The following NBEA variants were observed in gnomAD, a reference collection of about 807,000 sequenced individuals.
NBEA encodes lysosomal-trafficking regulator 2.
Under a neutral mutation model 343.4 loss-of-function variants are expected in NBEA, and 44 were observed. The observed-to-expected ratio is 0.13, with a 90% CI of 0.10 to 0.16. The LOEUF is 0.16. NBEA is among the 10% of genes least tolerant of loss of function. NBEA has a pLI of 1.00. For synonymous variants in NBEA, 1,175 were observed against 1,238.7 expected (o/e 0.95, Z 1.08); for missense variants, 2,555 against 3,631.3 (o/e 0.70, Z 7.62).
intron 1 of NBEA, among the ~76,000 whole-genome samples, chr13:34,961,451 T>C (rs1012341711): frequency 6.6e-6 from 1 of 152,124 alleles, no homozygotes; most frequent in African/African-American, 2.4e-5. Context: ...CTTTTGCTCC[T>C]AGCTATTTCT....
Position 35,593,239 on chromosome 13 carries a change from A to G in NBEA, c.7177-89A>G, listed in dbSNP as rs1204549506. On this transcript the variant is annotated intron_variant, in intron 46 of 58. Coordinates refer to ENST00000379939, the MANE Select transcript of NBEA (RefSeq NM_001385012.1). ...GACCCTGATCTGCCTCCACATCTTGAAGGATTTTCAAGATAGCCATGTTTC... is the reference window on the plus strand; with the variant it reads ...GACCCTGATCTGCCTCCACATCTTGGAGGATTTTCAAGATAGCCATGTTTC... 8 of 1,448,832 alleles carry G rather than the reference A, an allele frequency of 5.5e-6. No homozygotes were observed. In the Admixed American group the frequency reaches 1.2e-4, roughly 22 times the overall value. 89.7% of individuals were successfully genotyped at this position (1,448,832 alleles called of 1,614,324 possible).
intron 34 of NBEA, among the ~76,000 whole-genome samples, chr13:35,246,100 G>T (rs2031148048): frequency 6.6e-6 from 1 of 151,950 alleles, no homozygotes; most frequent in African/African-American, 2.4e-5. Context: ...AGTACATTTT[G>T]CATTTATCTA....
chr13:34,985,000 T>G (rs2060495039), intron 1 of NBEA, among the ~76,000 whole-genome samples: 1 of 151,110 alleles, frequency 6.6e-6, no homozygotes, highest in African/African-American at 2.4e-5. Flanking sequence ...ACAATTTGAC[T>G]TCTTCTTTTC....
chr13:35,153,381 C>A (rs1336249767), intron 18 of NBEA, among the ~76,000 whole-genome samples: 1 of 152,022 alleles, frequency 6.6e-6, no homozygotes, highest in African/African-American at 2.4e-5. Context: ...TTTATTGGGG[C>A]ATGCATTTAT....
At chr13:35,157,615 CTTTT>C (rs373014707) in intron 21 of NBEA, among the ~76,000 whole-genome samples, 3 of 151,780 alleles carry the variant, frequency 2.0e-5, no homozygotes, top group Non-Finnish European at 4.4e-5. Flanking sequence ...CTTTTTAAGA[CTTTT>C]TTTTAAGAAG....
chr13:35,180,142 A>G (rs1429311241), intron 28 of NBEA, among the ~76,000 whole-genome samples: 1 of 151,754 alleles, frequency 6.6e-6, no homozygotes, highest in Non-Finnish European at 1.5e-5. Flanking sequence ...GCTTAGATGA[A>G]GTAATAAATA....
chr13:35,187,620 A>C (rs1411631407), intron 30 of NBEA, among the ~76,000 whole-genome samples: 1 of 151,992 alleles, frequency 6.6e-6, no homozygotes, highest in Non-Finnish European at 1.5e-5. Flanking sequence ...CAATTACAAT[A>C]ATCATCTCCA....
At chr13:35,614,798 C>T (rs1229231122) in intron 48 of NBEA, among the ~76,000 whole-genome samples, 3 of 152,178 alleles carry the variant, frequency 2.0e-5, no homozygotes, top group Admixed American at 1.3e-4. Context: ...TGTTTCTCCT[C>T]TTTCCTCATT....
intron 44 of NBEA, among the ~76,000 whole-genome samples, chr13:35,562,286 G>A (rs1328167475): frequency 6.6e-6 from 1 of 151,854 alleles, no homozygotes; most frequent in African/African-American, 2.4e-5. Flanking sequence ...TAAAAATGTG[G>A]TTTCAACTTT....
chr13:35,152,945 TG>T (rs1361879227), intron 18 of NBEA, among the ~76,000 whole-genome samples: 2 of 152,152 alleles, frequency 1.3e-5, no homozygotes, highest in African/African-American at 4.8e-5. Flanking sequence ...TCTTGAGTCC[TG>T]CTCTTTCATT....
intron 24 of NBEA, among the ~76,000 whole-genome samples, chr13:35,164,935 A>G (rs528802726): frequency 1.3e-5 from 2 of 152,310 alleles, no homozygotes; most frequent in African/African-American, 2.4e-5. Context: ...AAGGCATTTA[A>G]TGTTAATTGT....
intron 38 of NBEA, among the ~76,000 whole-genome samples, chr13:35,425,121 G>C (rs1406184225): frequency 6.6e-6 from 1 of 151,986 alleles, no homozygotes; most frequent in Non-Finnish European, 1.5e-5. Flanking sequence ...TTAATTTTTT[G>C]AAGGGTTTTT....
chr13:35,360,333 G>A (rs2040739429), intron 38 of NBEA, among the ~76,000 whole-genome samples: 8 of 151,994 alleles, frequency 5.3e-5, no homozygotes, highest in Admixed American at 4.6e-4. Flanking sequence ...GCCACCCACT[G>A]AAGGCATGAA....
intron 39 of NBEA, among the ~76,000 whole-genome samples, chr13:35,444,404 G>A (rs1164288183): frequency 6.6e-6 from 1 of 151,932 alleles, no homozygotes; most frequent in Non-Finnish European, 1.5e-5. Flanking sequence ...ATTTCTCAAA[G>A]TATTCATGTA....
chr13:35,130,754 A>G (rs534887129), intron 17 of NBEA, among the ~76,000 whole-genome samples: 2 of 152,200 alleles, frequency 1.3e-5, no homozygotes, highest in South Asian at 4.1e-4. Context: ...AAATGAGACC[A>G]TAAAGTAGGC....
chr13:35,046,019 C>G (rs541258542), intron 4 of NBEA, among the ~76,000 whole-genome samples: 1 of 152,204 alleles, frequency 6.6e-6, no homozygotes, highest in South Asian at 2.1e-4. Context: ...CCACTGCACC[C>G]GGCCTGGTAT....
At chr13:35,416,659 TG>T (rs1269081849) in intron 38 of NBEA, among the ~76,000 whole-genome samples, 2 of 152,202 alleles carry the variant, frequency 1.3e-5, no homozygotes, top group Non-Finnish European at 2.9e-5. Flanking sequence ...TGAGGATTTT[TG>T]CATCAATGTT....
At chr13:35,647,676 C>G (rs1304933550) in intron 51 of NBEA, among the ~76,000 whole-genome samples, 1 of 152,130 alleles carries the variant, frequency 6.6e-6, no homozygotes, top group Non-Finnish European at 1.5e-5. Context: ...AAGCAATTCT[C>G]CTGCCTTAGC....
intron 48 of NBEA, among the ~76,000 whole-genome samples, chr13:35,620,625 G>C (rs1025315907): frequency 6.6e-6 from 1 of 152,126 alleles, no homozygotes; most frequent in African/African-American, 2.4e-5. Context: ...AAGTGTGACT[G>C]ATCTTCCTTA....
Sources: gnomAD v4.1 joint callset for allele counts (sites outside exome capture counted in the v4.1 genomes callset) on GRCh38, gnomAD v4.1.1 for gene constraint, MANE v1.5 for transcripts, NCBI Gene and HGNC (gene_info 2026-07-23, HGNC 2026-07-21) for gene names.